The following KHDRBS2 variants were observed in gnomAD, a reference collection of about 807,000 sequenced individuals.
KHDRBS2 encodes the protein KH domain-containing, RNA-binding, signal transduction-associated protein 2.
A neutral mutation model predicts 44.3 loss-of-function variants in KHDRBS2; 26 were observed. The observed-to-expected ratio is 0.59, with a 90% CI of 0.43 to 0.81. The LOEUF (loss-of-function observed/expected upper bound fraction) is 0.81, where lower values mean the gene tolerates loss of function less well. Among genes scored for constraint, KHDRBS2 ranks in the 40% least tolerant of loss-of-function variants. The pLI is 0.00. For missense variants in KHDRBS2, 476 were observed against 433.1 expected, an observed-to-expected ratio of 1.10 and a Z score of -0.88; for synonymous variants, 194 against 151.1, an observed-to-expected ratio of 1.28 and a Z score of -2.08.
intron 1 of KHDRBS2, among the ~76,000 whole-genome samples, chr6:62,248,547 CG>C (rs1563133387): frequency 6.6e-6 from 1 of 151,716 alleles, no homozygotes; most frequent in Non-Finnish European, 1.5e-5. Flanking sequence ...TTAGTAGAGA[CG>C]GGGTTTCACC....
intron 1 of KHDRBS2, among the ~76,000 whole-genome samples, chr6:62,206,628 G>A (rs1193892609): frequency 2.6e-5 from 4 of 151,968 alleles, no homozygotes; most frequent in African/African-American, 7.2e-5. Context: ...AGATTTTCAA[G>A]TCAGGAATAA....
At chr6:61,960,954 A>T (rs1326832185) in intron 4 of KHDRBS2, among the ~76,000 whole-genome samples, 2 of 152,078 alleles carry the variant, frequency 1.3e-5, no homozygotes, top group South Asian at 4.1e-4. Context: ...CAGACTGGGG[A>T]GTAGAAATCA....
At chr6:61,955,074 G>C (rs116133410) in intron 4 of KHDRBS2, among the ~76,000 whole-genome samples, 55 of 139,468 alleles carry the variant, frequency 3.9e-4, no homozygotes, top group African/African-American at 1.3e-3. Context: ...ACACATATAC[G>C]TGTGTATGTA....
chr6:61,860,379 G>GC (rs376022301), intron 6 of KHDRBS2, among the ~76,000 whole-genome samples: 1 of 151,600 alleles, frequency 6.6e-6, no homozygotes, highest in African/African-American at 2.4e-5. Flanking sequence ...CCCACCCTCT[G>GC]CCCCCCGATA....
rs114733434 is a variant in KHDRBS2 at position 62,213,217 on chromosome 6, T to C, written c.92-35905A>G. ...AAGATAAGTACCTTCTCAGTTTCAA[T>C]ATTTTTTTGCCTTTCATTGAGATGA... On this transcript the variant is annotated intron_variant, in intron 1 of 8. Coordinates refer to ENST00000281156, the MANE Select transcript of KHDRBS2 (RefSeq NM_152688.4). Among the ~76,000 whole-genome samples the C allele has an allele frequency of 2.5e-3, 380 of 152,272 alleles. 3 individuals carry two copies. Among genetic ancestry groups the C allele is most frequent in the African/African-American group, 8.4e-3 (349 of 41,550 alleles).
At chr6:62,162,519 G>A (rs181883954) in intron 2 of KHDRBS2, among the ~76,000 whole-genome samples, 4 of 152,006 alleles carry the variant, frequency 2.6e-5, no homozygotes, top group Non-Finnish European at 5.9e-5. Context: ...CTTTGCCAGG[G>A]GATAATGGTT....
intron 8 of KHDRBS2, among the ~76,000 whole-genome samples, chr6:61,696,932 A>T (rs1327349266): frequency 2.0e-5 from 3 of 152,210 alleles, no homozygotes. Flanking sequence ...AGTTAAACAT[A>T]CAAGACGCTA....
the KHDRBS2 span, among the ~76,000 whole-genome samples, chr6:61,648,546 C>T: frequency 6.6e-6 from 1 of 151,960 alleles, no homozygotes; most frequent in Non-Finnish European, 1.5e-5. Flanking sequence ...CTAGATTCCT[C>T]GAATTTAGAG....
chr6:61,784,849 T>C (rs1783536611), intron 6 of KHDRBS2, among the ~76,000 whole-genome samples: 2 of 152,218 alleles, frequency 1.3e-5, no homozygotes, highest in South Asian at 4.1e-4. Context: ...TTTACAAGCT[T>C]TTAAAAATAT....
chr6:62,046,214 CT>C (rs2127304931), intron 3 of KHDRBS2, among the ~76,000 whole-genome samples: 1 of 151,898 alleles, frequency 6.6e-6, no homozygotes, highest in East Asian at 1.9e-4. Context: ...TTTTCCAATA[CT>C]TTTGCTGGTA....
At chr6:61,942,175 T>G (rs978950861) in intron 4 of KHDRBS2, among the ~76,000 whole-genome samples, 1 of 152,036 alleles carries the variant, frequency 6.6e-6, no homozygotes, top group African/African-American at 2.4e-5. Context: ...CCCAGACATG[T>G]CTTGAACTCT....
chr6:62,044,342 G>A (rs564083086), intron 3 of KHDRBS2, among the ~76,000 whole-genome samples: 7 of 151,910 alleles, frequency 4.6e-5, no homozygotes, highest in Admixed American at 4.6e-4. Flanking sequence ...CAGGTGTGGT[G>A]GCGTTCACCT....
At chr6:62,222,999 G>C (rs1446840397) in intron 1 of KHDRBS2, among the ~76,000 whole-genome samples, 1 of 152,144 alleles carries the variant, frequency 6.6e-6, no homozygotes, top group Non-Finnish European at 1.5e-5. Context: ...GGGGTCTGGA[G>C]GACAGTGACC....
intron 2 of KHDRBS2, among the ~76,000 whole-genome samples, chr6:62,064,845 A>C (rs1793135024): frequency 6.6e-6 from 1 of 150,866 alleles, no homozygotes; most frequent in Admixed American, 6.6e-5. Flanking sequence ...TGAACAGGCA[A>C]CCTACAAAAT....
At chr6:62,119,905 C>A (rs556182323) in intron 2 of KHDRBS2, among the ~76,000 whole-genome samples, 11 of 152,320 alleles carry the variant, frequency 7.2e-5, no homozygotes, top group African/African-American at 2.4e-4. Context: ...AAAGTCCTGG[C>A]AGGCCTCAAG....
At chr6:62,278,766 C>T (rs1365199912) in intron 1 of KHDRBS2, among the ~76,000 whole-genome samples, 3 of 152,168 alleles carry the variant, frequency 2.0e-5, no homozygotes, top group Admixed American at 6.5e-5. Context: ...ATGTGCCAGA[C>T]TGAGTGCTAG....
At chr6:62,229,172 G>T (rs1429738752) in intron 1 of KHDRBS2, among the ~76,000 whole-genome samples, 2 of 152,104 alleles carry the variant, frequency 1.3e-5, no homozygotes, top group African/African-American at 4.8e-5. Flanking sequence ...TATGCCCAGG[G>T]AGATCAGAGT....
chr6:61,709,916 T>C (rs1770214545), intron 7 of KHDRBS2, among the ~76,000 whole-genome samples: 1 of 151,688 alleles, frequency 6.6e-6, no homozygotes, highest in South Asian at 2.1e-4. Flanking sequence ...TAATCTCTAG[T>C]TACTTCAATA....
At chr6:61,566,776 C>T in the KHDRBS2 span, among the ~76,000 whole-genome samples, 3 of 152,036 alleles carry the variant, frequency 2.0e-5, no homozygotes, top group African/African-American at 7.2e-5. Flanking sequence ...GATCTAAGGG[C>T]CACAGATCCA....
Sources: allele counts gnomAD v4.1 joint callset (sites outside exome capture counted in the v4.1 genomes callset), GRCh38; gene constraint gnomAD v4.1.1; transcripts MANE v1.5; gene names NCBI Gene and HGNC (gene_info 2026-07-23, HGNC 2026-07-21).